PWP1: variants seen among roughly 807,000 people sequenced by gnomAD.
The protein encoded by PWP1 is periodic tryptophan protein 1 homolog.
PWP1 carries 47 observed loss-of-function variants against 69.9 expected under a neutral mutation model. That is an observed-to-expected ratio of 0.67 (90% CI 0.53 to 0.86). The LOEUF (loss-of-function observed/expected upper bound fraction) is 0.86. PWP1 is among the 40% of genes least tolerant of loss of function. The pLI is 0.00. For synonymous variants in PWP1, 222 were observed against 208.2 expected, an observed-to-expected ratio of 1.07 and a Z score of -0.57; for missense variants, 551 against 608.8, an observed-to-expected ratio of 0.91 and a Z score of 1.00.
At chr12:107,706,684 A>C (rs1263419496) in intron 11 of PWP1, among the ~76,000 whole-genome samples, 2 of 152,076 alleles carry the variant, frequency 1.3e-5, no homozygotes, top group Non-Finnish European at 2.9e-5. Flanking sequence ...TGTTTTTGTC[A>C]GGTTTGTCAA....
At chr12:107,711,847 G>A (rs1173364357) in intron 14 of PWP1, among the ~76,000 whole-genome samples, 1 of 152,140 alleles carries the variant, frequency 6.6e-6, no homozygotes, top group Admixed American at 6.5e-5. Flanking sequence ...CCAGGAGAGG[G>A]TCACTTATAA....
At position 107,685,834 on chromosome 12, in the gene PWP1, A is replaced by G. The variant is rs1298790936; in HGVS notation, c.-66A>G. Reference sequence around the variant, plus strand: ...TGCAGATCCCTGAGCGTGTGGCAGCAGTGCGGTCGTGGTCCCTCCCTATGC... The same window carrying G: ...TGCAGATCCCTGAGCGTGTGGCAGCGGTGCGGTCGTGGTCCCTCCCTATGC... On this transcript the variant is annotated 5_prime_UTR_variant, in exon 1 of 15. Transcript: ENST00000412830. 1.1e-5 allele frequency: 17 copies of G among 1,541,710 alleles called. No homozygotes were observed. Among genetic ancestry groups the G allele is most frequent in the Non-Finnish European group, 1.4e-5 (16 of 1,116,462 alleles).
rs1423131226 is a variant in PWP1 at position 107,712,366 on chromosome 12, C to T, written c.*146C>T. The T allele has an allele frequency of 8.6e-6, 5 of 584,246 alleles. No individual in the cohort carries two copies. Among genetic ancestry groups the T allele is most frequent in the Admixed American group, 3.0e-5 (1 of 33,884 alleles). 36.2% of individuals were successfully genotyped at this position (584,246 alleles called of 1,614,324 possible). ...ATTCCTTTCTGCAACTGCGGTGGCA[C>T]CACAAATATCCGGTCTTTGTGCTTG... On this transcript the variant is annotated 3_prime_UTR_variant, in exon 15 of 15. Coordinates refer to ENST00000412830, the MANE Select transcript of PWP1 (RefSeq NM_007062.3).
intron 14 of PWP1, among the ~76,000 whole-genome samples, chr12:107,711,445 T>C (rs556494213): frequency 3.9e-5 from 6 of 152,162 alleles, no homozygotes; most frequent in Non-Finnish European, 7.3e-5. Context: ...TTGAAAGATC[T>C]TTGGGGAAAG....
intron 7 of PWP1, among the ~76,000 whole-genome samples, chr12:107,698,221 G>A (rs1483439329): frequency 6.6e-6 from 1 of 152,184 alleles, no homozygotes; most frequent in Non-Finnish European, 1.5e-5. Context: ...AATTAGCCAG[G>A]CATGTTGGTG....
Position 107,699,358 on chromosome 12 carries a change from A to G in PWP1, c.745-15A>G, listed in dbSNP as rs944772589. 5 of 1,597,526 alleles carry G rather than the reference A, an allele frequency of 3.1e-6. No homozygotes were observed. The African/African-American group carries it at 4.0e-5, about 13-fold the overall frequency. The stretch of plus-strand genomic sequence containing the variant: ...GGGACTTTAATACAAAAAATAATTA[A>G]AACAATTATTACAGAGTTCCTCAGC... On this transcript the variant is annotated splice_polypyrimidine_tract_variant and intron_variant, in intron 7 of 14. Coordinates refer to ENST00000412830, the MANE Select transcript of PWP1 (RefSeq NM_007062.3).
At chr12:107,711,218 G>A (rs1430445043) in intron 14 of PWP1, among the ~76,000 whole-genome samples, 1 of 152,212 alleles carries the variant, frequency 6.6e-6, no homozygotes, top group Non-Finnish European at 1.5e-5. Context: ...GACACAGATC[G>A]AGATCGCTCA....
chr12:107,685,940 G>T lies in PWP1; in HGVS notation c.41G>T (p.Arg14Leu). ...SRQVTCVAWV[R>L]CGVAKETPDK... ...CAGGTGACGTGCGTGGCCTGGGTCC[G>T]CTGCGGCGTGGCCAAAGAGACACCA... is the stretch of plus-strand genomic sequence containing the variant. The change falls in exon 1 of 15, where the codon CGC becomes CTC. Residue 14 changes from arginine to leucine, a missense_variant. Arg to Leu is a moderately radical substitution (Grantham distance 102). Transcript: ENST00000412830. The T allele has an allele frequency of 6.2e-7, 1 of 1,613,942 alleles. No homozygotes were observed. The highest frequency in any genetic ancestry group is 2.2e-5 in the East Asian group (1 of 44,864).
In PWP1 at chr12:107,697,283, A is replaced by C. The variant is rs369751704; in HGVS notation, c.614-184A>C. On this transcript the variant is annotated intron_variant, in intron 6 of 14. Coordinates refer to ENST00000412830, the MANE Select transcript of PWP1 (RefSeq NM_007062.3). ...GTTATCACCTGTGACCTAGTTAGAA[A>C]TGCCCACCCAGAACCACCTGAAATA... 6.6e-5 allele frequency among the ~76,000 whole-genome samples: 10 copies of C among 152,356 alleles called. No individual in the cohort carries two copies. The South Asian group carries it at 2.1e-3, about 32-fold the overall frequency.
chr12:107,697,805 G>A (rs1282783857), intron 7 of PWP1: 1 of 603,962 alleles, frequency 1.7e-6, no homozygotes, highest in African/African-American at 1.8e-5. Context: ...TTATCATGTT[G>A]TTCTTTCTTA....
chr12:107,696,414 G>T (rs1889588820), intron 5 of PWP1, 60 bp from the exon 6 acceptor site: 7 of 1,585,762 alleles, frequency 4.4e-6, no homozygotes, highest in South Asian at 1.1e-5. Context: ...TTTTTGAGCG[G>T]GATGTGATTT....
Position 107,697,568 on chromosome 12 carries a change from T to A in PWP1, c.715T>A (p.Ser239Thr). 6.2e-7 allele frequency: 1 copy of A among 1,605,068 alleles called. No individual in the cohort carries two copies. ...AGTCTTCACACTCGGAAGTAAACTT[T>A]CAAAAAAGAAGAAAAAGAAAGGAAA... ...EPVFTLGSKL[S>T]KKKKKKGKKS... The change falls in exon 7 of 15, where the codon TCA (serine) becomes ACA (threonine). Residue 239 changes from serine (S) to threonine (T), a missense_variant. Transcript: ENST00000412830.
intron 3 of PWP1, among the ~76,000 whole-genome samples, chr12:107,691,637 G>A (rs1262722758): frequency 1.3e-5 from 2 of 152,228 alleles, no homozygotes; most frequent in South Asian, 2.1e-4. Flanking sequence ...CCTAGTGGAT[G>A]AACTCTCTTC....
chr12:107,708,851 C>G (rs1332325721), intron 11 of PWP1, 75 bp from the exon 12 acceptor site: 2 of 1,312,030 alleles, frequency 1.5e-6, no homozygotes, highest in African/African-American at 2.9e-5. Context: ...CTGATTTTCA[C>G]TATGACTTAG....
At position 107,690,913 on chromosome 12, in the gene PWP1, G is replaced by A. The variant is rs144718170; in HGVS notation, c.320-1901G>A. Among the ~76,000 whole-genome samples the A allele has an allele frequency of 5.3e-4, 81 of 152,304 alleles. No homozygotes were observed. In the East Asian group the frequency reaches 0.015, roughly 28 times the overall value. ...GGTGAGCACTGTGGGGTATCTGGAA[G>A]AGCAGTGTAGTTGGAGTGTGGAAAG... On this transcript the variant is annotated intron_variant, in intron 3 of 14. Transcript: ENST00000412830.
At chr12:107,711,275 T>C (rs1331999068) in intron 14 of PWP1, among the ~76,000 whole-genome samples, 1 of 152,220 alleles carries the variant, frequency 6.6e-6, no homozygotes, top group Non-Finnish European at 1.5e-5. Flanking sequence ...TTTTCCACCT[T>C]GGGCAGGCCA....
rs1238575916 is a variant in PWP1, at chr12:107,686,906, C to T, written c.72+935C>T. Among the ~76,000 whole-genome samples, 3 of 137,566 alleles carry T rather than the reference C, an allele frequency of 2.2e-5. 1 individual carries two copies. The Admixed American group carries it at 2.5e-4, about 11-fold the overall frequency. 90.2% of individuals were successfully genotyped at this position (137,566 alleles called of 152,430 possible). A position where few individuals can be genotyped will look rare whatever the true frequency, so the allele number is the denominator to read the frequency against. On this transcript the variant is annotated intron_variant, in intron 1 of 14. Coordinates refer to ENST00000412830, the MANE Select transcript of PWP1 (RefSeq NM_007062.3). ...GCGTGAACCCGGGAGGCGGAGCTTG[C>T]AGTGAGCCGAGATCGCACAGCTGCA...
chr12:107,699,297 ATT>A (rs1889656206), intron 7 of PWP1, 74 bp from the exon 8 acceptor site: 4 of 1,111,604 alleles, frequency 3.6e-6, no homozygotes, highest in Non-Finnish European at 5.4e-6. Context: ...GGTTTAAAGA[ATT>A]TTGCAGATTA....
chr12:107,692,876 C>G lies in PWP1; in HGVS notation c.382C>G (p.Pro128Ala). ...LTVYGSNDQD[P>A]YVTLKDTEQY... ...GGTCTACGGGAGTAATGATCAAGAT[C>G]CTTACGTTACTCTGAAAGATACAGT... The change falls in exon 4 of 15, where the codon CCT (proline) becomes GCT (alanine). Residue 128 changes from proline (P) to alanine (A), a missense_variant. Coordinates refer to ENST00000412830, the MANE Select transcript of PWP1 (RefSeq NM_007062.3). 6.2e-7 allele frequency: 1 copy of G among 1,613,910 alleles called. No individual in the cohort carries two copies. The highest frequency in any genetic ancestry group is 8.5e-7 in the Non-Finnish European group (1 of 1,179,888).
Sources: allele counts gnomAD v4.1 joint callset (sites outside exome capture counted in the v4.1 genomes callset), GRCh38; gene constraint gnomAD v4.1.1; transcripts MANE v1.5; gene names NCBI Gene and HGNC (gene_info 2026-07-23, HGNC 2026-07-21).